Variants in TSPAN18 observed in about 807,000 individuals in gnomAD.
The protein encoded by TSPAN18 is tetraspanin-18.
TSPAN18 carries 14 observed loss-of-function variants against 27.3 expected under a neutral mutation model. That is an observed-to-expected ratio of 0.51 (90% CI 0.34 to 0.80). The LOEUF (loss-of-function observed/expected upper bound fraction) is 0.80. TSPAN18 is among the 30% of genes least tolerant of loss of function. The pLI is 0.01. For missense variants in TSPAN18, 268 were observed against 323.9 expected (o/e 0.83, Z 1.32); for synonymous variants, 143 against 136.5 (o/e 1.05, Z -0.33).
chr11:44,907,269 G>A (rs1859489242), intron 4 of TSPAN18, among the ~76,000 whole-genome samples: 1 of 152,152 alleles, frequency 6.6e-6, no homozygotes, highest in Admixed American at 6.5e-5. Flanking sequence ...GAGTAGAGCT[G>A]TGGCCCTGGA....
intron 2 of TSPAN18, among the ~76,000 whole-genome samples, chr11:44,851,170 C>T (rs1590577825): frequency 6.6e-6 from 1 of 152,246 alleles, no homozygotes; most frequent in Non-Finnish European, 1.5e-5. Context: ...GGAAGCTCCT[C>T]TCCTTGGTCA....
rs79360339 is a variant in TSPAN18, at chr11:44,798,785, G to A, written c.-153+34273G>A. The stretch of plus-strand genomic sequence containing the variant: ...CAGCCACATCCAAAAGAAATAGAGA[G>A]GGAGGGTTTAGAGTTTCCAGTTTGT... On this transcript the variant is annotated intron_variant, in intron 2 of 9. Coordinates refer to ENST00000520358, the MANE Select transcript of TSPAN18 (RefSeq NM_130783.5). 4.9e-3 allele frequency among the ~76,000 whole-genome samples: 743 copies of A among 152,336 alleles called. 6 individuals carry two copies. Among genetic ancestry groups the A allele is most frequent in the African/African-American group, 0.017 (693 of 41,590 alleles).
intron 2 of TSPAN18, among the ~76,000 whole-genome samples, chr11:44,777,979 CCCA>C (rs1306066169): frequency 6.6e-6 from 1 of 152,094 alleles, no homozygotes; most frequent in Non-Finnish European, 1.5e-5. Flanking sequence ...GATTTTTCCC[CCCA>C]ACAGAAAGGA....
At chr11:44,924,097 T>TTGTGTGTGTGTG (rs57394106) in intron 8 of TSPAN18, among the ~76,000 whole-genome samples, 9,173 of 145,752 alleles carry the variant, frequency 0.063, 349 homozygotes, top group South Asian at 0.11. Flanking sequence ...CCTTCTGGGG[T>TTGTGTGTGTGTG]TGTGTGTGTG....
intron 2 of TSPAN18, among the ~76,000 whole-genome samples, chr11:44,832,078 C>T (rs1394048819): frequency 6.6e-6 from 1 of 152,152 alleles, no homozygotes; most frequent in African/African-American, 2.4e-5. Context: ...AAAATAGCGG[C>T]CACCTGTCCA....
chr11:44,818,576 C>T (rs1025634543), intron 2 of TSPAN18, among the ~76,000 whole-genome samples: 8 of 152,120 alleles, frequency 5.3e-5, no homozygotes, highest in African/African-American at 1.9e-4. Flanking sequence ...CACTTCACTC[C>T]GGGAAGAGCT....
chr11:44,806,922 C>A (rs1156461267), intron 2 of TSPAN18, among the ~76,000 whole-genome samples: 1 of 152,074 alleles, frequency 6.6e-6, no homozygotes, highest in Non-Finnish European at 1.5e-5. Context: ...CTTTTTATTT[C>A]AATGGTTATA....
chr11:44,908,773 A>G (rs1326447597), intron 4 of TSPAN18, among the ~76,000 whole-genome samples: 9 of 99,484 alleles, frequency 9.0e-5, no homozygotes, highest in African/African-American at 4.0e-4. Context: ...AGAAAGGAGA[A>G]AGAAAGAAAG....
intron 3 of TSPAN18, among the ~76,000 whole-genome samples, chr11:44,873,105 T>C (rs1590612203): frequency 6.6e-6 from 1 of 152,228 alleles, no homozygotes; most frequent in African/African-American, 2.4e-5. Context: ...GGGCTGGAGG[T>C]GACAGTATGT....
At chr11:44,896,782 GCCA>G (rs1186136986) in intron 3 of TSPAN18, among the ~76,000 whole-genome samples, 4 of 151,626 alleles carry the variant, frequency 2.6e-5, no homozygotes, top group African/African-American at 4.8e-5. Context: ...CCTCCACGCT[GCCA>G]CCACCACCAC....
chr11:44,824,685 A>G lies in TSPAN18; in HGVS notation c.-152-35643A>G, dbSNP rs370384509. 7.9e-5 allele frequency among the ~76,000 whole-genome samples: 12 copies of G among 152,348 alleles called. No individual in the cohort carries two copies. In the South Asian group the frequency reaches 2.5e-3, roughly 32 times the overall value. On this transcript the variant is annotated intron_variant, in intron 2 of 9. Transcript: ENST00000520358. The stretch of plus-strand genomic sequence containing the variant: ...TCCAGAGGCCGGCTCCTCACATCCC[A>G]GCCGCGGAGGCCTTCAGAGTAAACA...
intron 3 of TSPAN18, among the ~76,000 whole-genome samples, chr11:44,866,497 T>C (rs1226635082): frequency 6.6e-6 from 1 of 152,212 alleles, no homozygotes; most frequent in Non-Finnish European, 1.5e-5. Flanking sequence ...GGGCAGCAGC[T>C]ATTTCTGTGC....
At chr11:44,903,561 G>A (rs751888204) in intron 3 of TSPAN18, 3 of 456,428 alleles carry the variant, frequency 6.6e-6, no homozygotes, top group South Asian at 4.6e-5. Context: ...GGATTGAAGG[G>A]GAGGTAGGGA....
chr11:44,864,065 G>A (rs1269788843), intron 3 of TSPAN18, among the ~76,000 whole-genome samples: 2 of 151,858 alleles, frequency 1.3e-5, no homozygotes, highest in East Asian at 3.9e-4. Flanking sequence ...GAGGCGGGCG[G>A]ATCTCAAGGT....
At position 44,909,870 on chromosome 11, in the gene TSPAN18, G is replaced by T; in HGVS notation, c.229G>T (p.Val77Phe). 1.2e-6 allele frequency: 2 copies of T among 1,613,638 alleles called. No homozygotes were observed. Among genetic ancestry groups the T allele is most frequent in the Admixed American group, 1.7e-5 (1 of 60,012 alleles). The change falls in exon 5 of 10, where the codon GTC becomes TTC. Residue 77 changes from valine to phenylalanine, a missense_variant. By Grantham distance (50) the Val-to-Phe change is conservative. Coordinates refer to ENST00000520358, the MANE Select transcript of TSPAN18 (RefSeq NM_130783.5). ...LLGFLGCCGA[V>F]RENKCLLLFF... Reference sequence around the variant, plus strand: ...CGGCTTCCTGGGCTGCTGCGGGGCCGTCCGTGAGAACAAGTGTCTGCTGCT... The same window carrying T: ...CGGCTTCCTGGGCTGCTGCGGGGCCTTCCGTGAGAACAAGTGTCTGCTGCT...
chr11:44,906,160 A>T (rs1466750045), intron 3 of TSPAN18, among the ~76,000 whole-genome samples: 1 of 152,232 alleles, frequency 6.6e-6, no homozygotes, highest in African/African-American at 2.4e-5. Context: ...CTCCGCTTTA[A>T]AGTCAGAGAG....
At chr11:44,748,991 GA>G (rs1278329687) in intron 1 of TSPAN18, among the ~76,000 whole-genome samples, 1 of 152,010 alleles carries the variant, frequency 6.6e-6, no homozygotes. Context: ...CCATTTTTGG[GA>G]TGATAAGACT....
chr11:44,739,049 CAGGGTTGGG>C (rs1854867243), intron 1 of TSPAN18, among the ~76,000 whole-genome samples: 1 of 152,160 alleles, frequency 6.6e-6, no homozygotes. Context: ...TTCTTAACAG[CAGGGTTGGG>C]AGGAAATCAG....
At chr11:44,819,957 T>C (rs1452902597) in intron 2 of TSPAN18, among the ~76,000 whole-genome samples, 1 of 152,168 alleles carries the variant, frequency 6.6e-6, no homozygotes, top group Non-Finnish European at 1.5e-5. Context: ...TTTTGGTTTC[T>C]GAAAGCTCCC....
Sources: gnomAD v4.1 joint callset for allele counts (sites outside exome capture counted in the v4.1 genomes callset) on GRCh38, gnomAD v4.1.1 for gene constraint, MANE v1.5 for transcripts, NCBI Gene and HGNC (gene_info 2026-07-23, HGNC 2026-07-21) for gene names.